ROBO1: variants seen among roughly 807,000 people sequenced by gnomAD.
The protein encoded by ROBO1 is roundabout guidance receptor 1.
A neutral mutation model predicts 195.9 loss-of-function variants in ROBO1; 149 were observed. The observed-to-expected ratio is 0.76, with a 90% confidence interval of 0.67 to 0.87. ROBO1 has a LOEUF of 0.87. Ranked by LOEUF, ROBO1 falls within the 40% of genes least tolerant of loss-of-function variation. The pLI is 0.00. For missense variants in ROBO1, 1,933 were observed against 2,068.3 expected (o/e 0.93, Z 1.27); for synonymous variants, 816 against 733.2 (o/e 1.11, Z -1.82).
intron 3 of ROBO1, among the ~76,000 whole-genome samples, chr3:79,055,778 G>T (rs993541240): frequency 6.6e-6 from 1 of 152,042 alleles, no homozygotes; most frequent in Non-Finnish European, 1.5e-5. Flanking sequence ...GCTGGTTTAG[G>T]TTACCCTTTT....
intron 2 of ROBO1, among the ~76,000 whole-genome samples, chr3:79,167,093 C>T (rs2081080964): frequency 6.6e-6 from 1 of 150,958 alleles, no homozygotes; most frequent in South Asian, 2.1e-4. Context: ...AAGACACAAC[C>T]AGTGCCAAAC....
At chr3:78,680,651 T>G (rs1486979514) in intron 10 of ROBO1, among the ~76,000 whole-genome samples, 37 of 149,448 alleles carry the variant, frequency 2.5e-4, no homozygotes, top group African/African-American at 7.0e-4. Context: ...TCACACCAGT[T>G]AGAATGGCGA....
intron 4 of ROBO1, among the ~76,000 whole-genome samples, chr3:78,919,398 T>C (rs1490542121): frequency 6.6e-6 from 1 of 152,140 alleles, no homozygotes; most frequent in Non-Finnish European, 1.5e-5. Context: ...AGGTTGAGAA[T>C]CAATTAAGTA....
At chr3:79,616,205 A>G (rs1388391524) in intron 1 of ROBO1, among the ~76,000 whole-genome samples, 5 of 152,194 alleles carry the variant, frequency 3.3e-5, no homozygotes. Flanking sequence ...GAGCTGAGGC[A>G]GTAGACATCA....
At chr3:79,505,081 A>G (rs1940317143) in intron 2 of ROBO1, among the ~76,000 whole-genome samples, 1 of 152,166 alleles carries the variant, frequency 6.6e-6, no homozygotes. Flanking sequence ...GTTCTTACTT[A>G]TATTAAAATG....
At chr3:79,052,466 C>A (rs1325077551) in intron 3 of ROBO1, among the ~76,000 whole-genome samples, 3 of 152,068 alleles carry the variant, frequency 2.0e-5, no homozygotes, top group Admixed American at 6.6e-5. Flanking sequence ...CACTCTGCCT[C>A]TCTGCCCGTG....
At position 78,882,513 on chromosome 3, in the gene ROBO1, C is replaced by A. The variant is rs532643964; in HGVS notation, c.499+56088G>T. On this transcript the variant is annotated intron_variant, in intron 4 of 30. Transcript: ENST00000464233. ...AGCTGTTTTGAGCTGACATTTTGAG[C>A]ATAAGGCCATCATGCTGAATGAAAT... is the stretch of plus-strand genomic sequence containing the variant. Among the ~76,000 whole-genome samples the A allele has an allele frequency of 2.6e-5, 4 of 152,252 alleles. No individual in the cohort carries two copies. The South Asian group carries it at 8.3e-4, about 32-fold the overall frequency.
At chr3:79,448,857 T>C (rs2039353892) in intron 2 of ROBO1, among the ~76,000 whole-genome samples, 1 of 152,174 alleles carries the variant, frequency 6.6e-6, no homozygotes, top group Non-Finnish European at 1.5e-5. Flanking sequence ...ATTAACTACG[T>C]TCATTGATAC....
intron 2 of ROBO1, among the ~76,000 whole-genome samples, chr3:79,425,883 A>G (rs1017365129): frequency 6.6e-6 from 1 of 152,170 alleles, no homozygotes; most frequent in African/African-American, 2.4e-5. Flanking sequence ...TATTGGTTGC[A>G]TTGTTTTGCA....
intron 2 of ROBO1, among the ~76,000 whole-genome samples, chr3:79,502,313 T>C (rs891461803): frequency 6.6e-6 from 1 of 152,122 alleles, no homozygotes; most frequent in East Asian, 1.9e-4. Flanking sequence ...CAGCGCGAGT[T>C]CCGGGTGGGC....
At chr3:79,445,453 AT>A (rs969206223) in intron 2 of ROBO1, among the ~76,000 whole-genome samples, 153 of 114,174 alleles carry the variant, frequency 1.3e-3, no homozygotes, top group South Asian at 5.8e-3. Flanking sequence ...ACATTTCTGT[AT>A]TTTTTTTGGT....
chr3:79,038,363 T>A (rs2078420016), intron 3 of ROBO1, among the ~76,000 whole-genome samples: 1 of 152,162 alleles, frequency 6.6e-6, no homozygotes, highest in Non-Finnish European at 1.5e-5. Flanking sequence ...ATGATGAACT[T>A]TTGTCCATCT....
intron 2 of ROBO1, among the ~76,000 whole-genome samples, chr3:79,525,205 C>T (rs180938937): frequency 1.3e-5 from 2 of 150,890 alleles, no homozygotes; most frequent in African/African-American, 4.8e-5. Flanking sequence ...ATTAAAATGT[C>T]TACTAGAATA....
At chr3:79,435,241 G>A (rs985946671) in intron 2 of ROBO1, among the ~76,000 whole-genome samples, 2 of 151,832 alleles carry the variant, frequency 1.3e-5, no homozygotes, top group Non-Finnish European at 2.9e-5. Context: ...AATAAAACAA[G>A]GTTCTTTTAG....
At chr3:79,037,399 A>G (rs923442178) in intron 3 of ROBO1, among the ~76,000 whole-genome samples, 9 of 152,146 alleles carry the variant, frequency 5.9e-5, no homozygotes, top group Non-Finnish European at 1.0e-4. Context: ...ACTGACATCT[A>G]GTGAAACACC....
chr3:79,441,931 T>C (rs941709550), intron 2 of ROBO1, among the ~76,000 whole-genome samples: 7 of 152,098 alleles, frequency 4.6e-5, no homozygotes, highest in African/African-American at 1.7e-4. Flanking sequence ...TAATCTGCTA[T>C]AGATATAGCA....
chr3:78,899,339 T>G (rs1375331497), intron 4 of ROBO1, among the ~76,000 whole-genome samples: 1 of 152,184 alleles, frequency 6.6e-6, no homozygotes, highest in Non-Finnish European at 1.5e-5. Context: ...AACAAACTAT[T>G]ATAATCTGAT....
chr3:78,642,034 C>A (rs959743030), intron 21 of ROBO1, among the ~76,000 whole-genome samples: 1 of 151,816 alleles, frequency 6.6e-6, no homozygotes, highest in African/African-American at 2.4e-5. Context: ...GTCATATGTA[C>A]CTACTCTAAT....
intron 2 of ROBO1, among the ~76,000 whole-genome samples, chr3:79,259,148 T>TTTG (rs995760556): frequency 1.3e-5 from 2 of 152,158 alleles, no homozygotes; most frequent in South Asian, 2.1e-4. Context: ...AAATATACTT[T>TTTG]TTGTTGTTGT....
Sources: gnomAD v4.1 joint callset for allele counts (sites outside exome capture counted in the v4.1 genomes callset) on GRCh38, gnomAD v4.1.1 for gene constraint, MANE v1.5 for transcripts, NCBI Gene and HGNC (gene_info 2026-07-23, HGNC 2026-07-21) for gene names.